ANKRD44: variants seen among roughly 807,000 people sequenced by gnomAD.
ANKRD44 encodes serine/threonine-protein phosphatase 6 regulatory ankyrin repeat subunit B.
In ANKRD44, 35 loss-of-function variants were observed where a neutral mutation model predicts 116.0. That is an observed-to-expected ratio of 0.30 (90% CI 0.23 to 0.40). The LOEUF is 0.40. ANKRD44 is among the 10% of genes least tolerant of loss of function. ANKRD44 has a pLI of 1.00. For missense variants in ANKRD44, 1,014 were observed against 1,242.6 expected, an observed-to-expected ratio of 0.82 and a Z score of 2.77; for synonymous variants, 435 against 461.8, an observed-to-expected ratio of 0.94 and a Z score of 0.74.
At chr2:197,280,232 C>A (rs946027463) in intron 1 of ANKRD44, among the ~76,000 whole-genome samples, 2 of 152,116 alleles carry the variant, frequency 1.3e-5, no homozygotes, top group African/African-American at 4.8e-5. Context: ...AGGAAATAGG[C>A]AACAGGAGAA....
At chr2:196,968,144 G>A (rs2075688371) in intron 21 of ANKRD44, among the ~76,000 whole-genome samples, 1 of 152,060 alleles carries the variant, frequency 6.6e-6, no homozygotes, top group South Asian at 2.1e-4. Context: ...ATGCAAGAAC[G>A]GCCTAATACA....
At chr2:197,187,158 C>T (rs991559746) in intron 1 of ANKRD44, 52 bp from the exon 2 acceptor site, 10 of 1,482,218 alleles carry the variant, frequency 6.7e-6, no homozygotes, top group Non-Finnish European at 8.5e-6. Flanking sequence ...CATCTGATCA[C>T]ATACAGATGC....
At position 197,279,748 on chromosome 2, in the gene ANKRD44, C is replaced by T. The variant is rs1047917687; in HGVS notation, c.27+30830G>A. On this transcript the variant is annotated intron_variant, in intron 1 of 27. Transcript: ENST00000282272. The stretch of plus-strand genomic sequence containing the variant: ...CATAAAGCCACCTTTCAGAAAGCTT[C>T]CTGCCTGGATGTGCTCACTCTCCTG... Among the ~76,000 whole-genome samples, 7 of 152,324 alleles carry T rather than the reference C, an allele frequency of 4.6e-5. No individual in the cohort carries two copies. The South Asian group carries it at 1.5e-3, about 32-fold the overall frequency.
chr2:197,050,062 G>A (rs1314562479), intron 16 of ANKRD44, among the ~76,000 whole-genome samples: 8 of 152,136 alleles, frequency 5.3e-5, no homozygotes, highest in Non-Finnish European at 1.0e-4. Context: ...CATCTGCTCA[G>A]CTTCTGGGGT....
chr2:197,186,466 A>G (rs766347346), intron 2 of ANKRD44, among the ~76,000 whole-genome samples: 1 of 151,882 alleles, frequency 6.6e-6, no homozygotes, highest in Non-Finnish European at 1.5e-5. Context: ...CTGGTTATTT[A>G]ACCAGATTTT....
At chr2:197,264,651 G>C (rs1317921669) in intron 1 of ANKRD44, among the ~76,000 whole-genome samples, 2 of 152,158 alleles carry the variant, frequency 1.3e-5, no homozygotes, top group African/African-American at 2.4e-5. Context: ...CACCCATCCA[G>C]TAAAGGGCTA....
chr2:197,110,787 A>G lies in ANKRD44; in HGVS notation c.964T>C (p.Ser322Pro), dbSNP rs1326413032. 1 of 1,613,924 alleles carries G rather than the reference A, an allele frequency of 6.2e-7. No individual in the cohort carries two copies. Among genetic ancestry groups the G allele is most frequent in the Non-Finnish European group, 8.5e-7 (1 of 1,179,812 alleles). ...MTAVHGRFTR[S>P]QTLIQNGGEI... is the part of the protein sequence containing the mutation. ...TTACCATTCTGAATGAGGGTCTGTGACCGTGTGAACCTTCCATGGACAGCT... is the reference window on the plus strand; with the variant it reads ...TTACCATTCTGAATGAGGGTCTGTGGCCGTGTGAACCTTCCATGGACAGCT... The change falls in exon 9 of 28, where the codon TCA (serine) becomes CCA (proline). Residue 322 changes from serine to proline, a missense_variant. Coordinates refer to ENST00000282272, the MANE Select transcript of ANKRD44 (RefSeq NM_001195144.2).
intron 1 of ANKRD44, among the ~76,000 whole-genome samples, chr2:197,223,471 G>A (rs1320818802): frequency 2.6e-5 from 4 of 152,048 alleles, no homozygotes; most frequent in Non-Finnish European, 4.4e-5. Context: ...GTTGATACAC[G>A]CATTGCTAGT....
chr2:197,269,737 A>G (rs1386309997), intron 1 of ANKRD44, among the ~76,000 whole-genome samples: 1 of 152,136 alleles, frequency 6.6e-6, no homozygotes, highest in Non-Finnish European at 1.5e-5. Context: ...ATACACACTC[A>G]AAGTGGCCCA....
In ANKRD44 at chr2:197,239,396, T is replaced by C. The variant is rs542708267; in HGVS notation, c.28-52290A>G. Among the ~76,000 whole-genome samples the C allele has an allele frequency of 2.6e-5, 4 of 152,278 alleles. No individual in the cohort carries two copies. The East Asian group carries it at 7.7e-4, about 29-fold the overall frequency. On this transcript the variant is annotated intron_variant, in intron 1 of 27. Transcript: ENST00000282272. ...ACAGGCATGAGCCACCATGCCCAGC[T>C]AGTATTTTATTTTTTGTAGACATGG...
intron 26 of ANKRD44, among the ~76,000 whole-genome samples, chr2:196,993,887 A>G (rs1334520979): frequency 6.6e-6 from 1 of 152,210 alleles, no homozygotes; most frequent in East Asian, 1.9e-4. Flanking sequence ...CTTGCTGCAG[A>G]TATTACAAAT....
At chr2:196,972,416 G>C (rs1303435284) in intron 21 of ANKRD44, among the ~76,000 whole-genome samples, 2 of 152,070 alleles carry the variant, frequency 1.3e-5, no homozygotes, top group Non-Finnish European at 2.9e-5. Context: ...TGGCCAGGCT[G>C]GTCTCGAACT....
At chr2:197,162,234 A>G (rs1484407380) in intron 2 of ANKRD44, among the ~76,000 whole-genome samples, 1 of 152,222 alleles carries the variant, frequency 6.6e-6, no homozygotes, top group Non-Finnish European at 1.5e-5. Context: ...TTATGTTTTA[A>G]GCACAGCTGT....
chr2:197,078,542 G>GA (rs761289248), intron 16 of ANKRD44, 161 bp downstream of exon 16: 1 of 1,486,422 alleles, frequency 6.7e-7, no homozygotes, highest in Non-Finnish European at 9.0e-7. Context: ...TGGTGCAGTA[G>GA]AAAAAACACT....
At chr2:197,253,938 C>T (rs1195730866) in intron 1 of ANKRD44, among the ~76,000 whole-genome samples, 2 of 152,202 alleles carry the variant, frequency 1.3e-5, no homozygotes, top group Non-Finnish European at 2.9e-5. Flanking sequence ...TCATAATCCG[C>T]ACAGGGTTCT....
At chr2:197,064,032 T>G (rs527645104) in intron 16 of ANKRD44, among the ~76,000 whole-genome samples, 11 of 152,100 alleles carry the variant, frequency 7.2e-5, no homozygotes, top group Admixed American at 2.6e-4. Flanking sequence ...AAGGAAAAAA[T>G]GTTAAGGGCA....
intron 22 of ANKRD44, 131 bp downstream of exon 22, chr2:197,001,622 C>T (rs554742588): frequency 1.6e-6 from 1 of 637,704 alleles, no homozygotes; most frequent in South Asian, 2.3e-5. Context: ...ATCTACTTGT[C>T]TTTAGCAGCA....
chr2:197,094,365 G>A (rs991885192), intron 10 of ANKRD44, among the ~76,000 whole-genome samples: 2 of 152,232 alleles, frequency 1.3e-5, no homozygotes, highest in Non-Finnish European at 2.9e-5. Flanking sequence ...GACCCATTGA[G>A]ATAATGTTCA....
intron 8 of ANKRD44, among the ~76,000 whole-genome samples, chr2:197,119,686 G>A (rs1284944197): frequency 6.6e-6 from 1 of 152,192 alleles, no homozygotes; most frequent in African/African-American, 2.4e-5. Context: ...AGACTGATGT[G>A]ATATTCTTGA....
Sources: allele counts gnomAD v4.1 joint callset (sites outside exome capture counted in the v4.1 genomes callset), GRCh38; gene constraint gnomAD v4.1.1; transcripts MANE v1.5; gene names NCBI Gene and HGNC (gene_info 2026-07-23, HGNC 2026-07-21).